Variants in COLEC10 observed in about 807,000 individuals in gnomAD.
The protein encoded by COLEC10 is collectin subfamily member 10.
Under a neutral mutation model 28.4 loss-of-function variants are expected in COLEC10, and 22 were observed. That is an observed-to-expected ratio of 0.78 (90% CI 0.55 to 1.11). The LOEUF (loss-of-function observed/expected upper bound fraction) is 1.11, where lower values mean the gene tolerates loss of function less well. Ranked by LOEUF, COLEC10 falls within the 50% of genes least tolerant of loss-of-function variation. The pLI is 0.00. For synonymous variants in COLEC10, 125 were observed against 116.1 expected, an observed-to-expected ratio of 1.08 and a Z score of -0.49; for missense variants, 361 against 344.1, an observed-to-expected ratio of 1.05 and a Z score of -0.39.
At chr8:119,019,132 G>C (rs1338301515) in intron 2 of COLEC10, among the ~76,000 whole-genome samples, 2 of 152,166 alleles carry the variant, frequency 1.3e-5, no homozygotes, top group Non-Finnish European at 1.5e-5. Context: ...ATGAATCATA[G>C]TGTCCACCTG....
chr8:119,063,572 G>T (rs1467786767), upstream of COLEC10, among the ~76,000 whole-genome samples: 1 of 151,962 alleles, frequency 6.6e-6, no homozygotes, highest in Non-Finnish European at 1.5e-5. Context: ...CTTGTCACTG[G>T]ATTTAGGGTC....
chr8:118,973,491 T>A, the COLEC10 span, among the ~76,000 whole-genome samples: 1 of 151,976 alleles, frequency 6.6e-6, no homozygotes, highest in Non-Finnish European at 1.5e-5. Context: ...CTACCCTCAC[T>A]TCTTTACCAT....
At chr8:119,029,585 T>C (rs1252814459) in intron 2 of COLEC10, among the ~76,000 whole-genome samples, 2 of 152,178 alleles carry the variant, frequency 1.3e-5, no homozygotes, top group South Asian at 2.1e-4. Flanking sequence ...GGAGCAGTTT[T>C]GCCTCGCAAA....
intron 1 of COLEC10, among the ~76,000 whole-genome samples, chr8:119,077,420 A>G (rs1316314285): frequency 2.0e-5 from 3 of 152,162 alleles, no homozygotes; most frequent in African/African-American, 7.2e-5. Context: ...AATGTCCAGC[A>G]TTCTCAACTG....
At chr8:119,055,757 G>A (rs1198861703) in intron 2 of COLEC10, among the ~76,000 whole-genome samples, 1 of 152,012 alleles carries the variant, frequency 6.6e-6, no homozygotes, top group Non-Finnish European at 1.5e-5. Flanking sequence ...CCAAAACATC[G>A]AAGAATCTTC....
chr8:119,105,666 T>C, intron 5 of COLEC10, 134 bp from the exon 6 acceptor site: 1 of 793,550 alleles, frequency 1.3e-6, no homozygotes, highest in South Asian at 2.0e-5. Context: ...AATCTGTGAC[T>C]ACCTCATAAT....
At chr8:119,082,791 AC>A (rs1188848606) in intron 1 of COLEC10, among the ~76,000 whole-genome samples, 1 of 152,202 alleles carries the variant, frequency 6.6e-6, no homozygotes, top group East Asian at 1.9e-4. Flanking sequence ...CTTTGTATTT[AC>A]CTTACAGTGT....
In COLEC10 at chr8:119,044,189, G is replaced by A. The variant is rs374192921; in HGVS notation, n.235+34636G>A. On this transcript the variant is annotated intron_variant and non_coding_transcript_variant, in intron 2 of 6. Transcript: ENST00000521788. ...CTTTCAAAAATGTGCTGGTTTGGAG[G>A]TTTATATATGGTCACCCTAATTAAC... Among the ~76,000 whole-genome samples the A allele has an allele frequency of 8.0e-4, 122 of 152,280 alleles. 2 individuals are homozygous for A. Among genetic ancestry groups the A allele is most frequent in the Middle Eastern group, 3.4e-3 (1 of 294 alleles).
chr8:119,105,610 G>A (rs1354491360), intron 5 of COLEC10, among the ~76,000 whole-genome samples, 190 bp from the exon 6 acceptor site: 2 of 152,018 alleles, frequency 1.3e-5, no homozygotes, highest in Non-Finnish European at 2.9e-5. Context: ...GAGAACAAAC[G>A]GTAGATATGT....
At chr8:118,992,956 A>G (rs1813527454), upstream of COLEC10, among the ~76,000 whole-genome samples, 1 of 152,216 alleles carries the variant, frequency 6.6e-6, no homozygotes, top group Non-Finnish European at 1.5e-5. Context: ...AGCACAAGGT[A>G]AGGAATATCT....
the COLEC10 span, among the ~76,000 whole-genome samples, chr8:118,965,356 G>A: frequency 1.3e-5 from 2 of 152,116 alleles, no homozygotes; most frequent in African/African-American, 4.8e-5. Flanking sequence ...GTTGCAAGAT[G>A]ACTGTCAAAT....
chr8:118,982,194 T>A, the COLEC10 span, among the ~76,000 whole-genome samples: 1 of 152,076 alleles, frequency 6.6e-6, no homozygotes, highest in South Asian at 2.1e-4. Flanking sequence ...TAATCCAGAA[T>A]AAAGGTATCA....
intron 1 of COLEC10, among the ~76,000 whole-genome samples, chr8:119,075,708 C>T (rs1393460820): frequency 6.6e-6 from 1 of 152,066 alleles, no homozygotes; most frequent in Non-Finnish European, 1.5e-5. Context: ...AACTAAAGCA[C>T]ACTGCTACTG....
the COLEC10 span, among the ~76,000 whole-genome samples, chr8:118,957,364 A>G: frequency 6.6e-6 from 1 of 152,222 alleles, no homozygotes; most frequent in African/African-American, 2.4e-5. Flanking sequence ...GGTGACGGCT[A>G]TGAAGGCCTA....
chr8:119,027,562 T>C (rs2130120438), intron 2 of COLEC10, among the ~76,000 whole-genome samples: 2 of 152,340 alleles, frequency 1.3e-5, no homozygotes, highest in Middle Eastern at 3.4e-3. Flanking sequence ...ACATTTGCTT[T>C]TCAGAGGGAC....
At chr8:119,075,324 T>G (rs1403330215) in intron 1 of COLEC10, among the ~76,000 whole-genome samples, 3 of 152,270 alleles carry the variant, frequency 2.0e-5, no homozygotes, top group Non-Finnish European at 4.4e-5. Context: ...TCTGTTTTTT[T>G]GCATTATGCA....
chr8:119,026,125 A>G (rs1238495683), intron 2 of COLEC10, among the ~76,000 whole-genome samples: 4 of 152,160 alleles, frequency 2.6e-5, no homozygotes, highest in Admixed American at 6.5e-5. Flanking sequence ...GTACATTTTT[A>G]TTGAATGACT....
In COLEC10 at chr8:119,077,243, ATTTTT is replaced by A. The variant is rs762180766; in HGVS notation, c.148+9834_148+9838del. On this transcript the variant is annotated intron_variant, in intron 1 of 5. Transcript: ENST00000332843. ...TTTTGATTAGCCTGGGTAGAGAATGATTTTTTTTTTTTTTTTTTTTTTTTGCCTCT... is the reference window on the plus strand; with the variant it reads ...TTTTGATTAGCCTGGGTAGAGAATGATTTTTTTTTTTTTTTTTTTGCCTCT... Among the ~76,000 whole-genome samples the A allele has an allele frequency of 8.6e-3, 775 of 90,246 alleles. 4 individuals carry two copies. Among genetic ancestry groups the A allele is most frequent in the African/African-American group, 0.03 (708 of 23,756 alleles). The allele number at this position is 90,246 out of a possible 152,430, so 59.2% of individuals were successfully genotyped here.
At chr8:118,964,543 AG>A in the COLEC10 span, among the ~76,000 whole-genome samples, 1 of 152,200 alleles carries the variant, frequency 6.6e-6, no homozygotes, top group African/African-American at 2.4e-5. Flanking sequence ...AAGAGTTTTG[AG>A]GAACTACTAT....
Sources: allele counts gnomAD v4.1 joint callset (sites outside exome capture counted in the v4.1 genomes callset), GRCh38; gene constraint gnomAD v4.1.1; transcripts MANE v1.5; gene names NCBI Gene and HGNC (gene_info 2026-07-23, HGNC 2026-07-21).